Variants in DKK2 observed in about 807,000 individuals in gnomAD.
The protein encoded by DKK2 is dickkopf-related protein 2.
Under a neutral mutation model 28.1 loss-of-function variants are expected in DKK2, and 11 were observed. That is an observed-to-expected ratio of 0.39 (90% CI 0.25 to 0.65). The LOEUF (loss-of-function observed/expected upper bound fraction) is 0.65. Among genes scored for constraint, DKK2 ranks in the 30% least tolerant of loss-of-function variants. The probability of loss-of-function intolerance (pLI) is 0.47; values close to 1 mark genes in which losing one functional copy is unlikely to be tolerated. For synonymous variants in DKK2, 135 were observed against 126.5 expected, an observed-to-expected ratio of 1.07 and a Z score of -0.45; for missense variants, 326 against 335.5, an observed-to-expected ratio of 0.97 and a Z score of 0.22.
rs775667951 is a variant in DKK2 at position 106,925,922 on chromosome 4, A to G, written c.250T>C (p.Cys84Arg). The G allele has an allele frequency of 1.2e-6, 2 of 1,611,654 alleles. No individual in the cohort carries two copies. Among genetic ancestry groups the G allele is most frequent in the Non-Finnish European group, 1.7e-6 (2 of 1,179,176 alleles). The part of the protein sequence containing the change: ...QAYPCSSDKE[C>R]EVGRYCHSPH... ...CTGTGGCAATACCTCCCAACTTCAC[A>G]CTCCTTATCACTGCTACAAGGGTAG... Residue 84 changes from cysteine to arginine, a missense_variant, in exon 2 of 4, where the codon TGT (cysteine) becomes CGT (arginine). Physicochemically the swap from Cys to Arg is radical, Grantham distance 180 (BLOSUM62 -3). Transcript: ENST00000285311.
At chr4:106,998,523 C>T (rs1207529330) in intron 1 of DKK2, among the ~76,000 whole-genome samples, 2 of 152,238 alleles carry the variant, frequency 1.3e-5, no homozygotes, top group South Asian at 4.1e-4. Context: ...AATTCAATAG[C>T]TCTAGTCAAT....
intron 1 of DKK2, among the ~76,000 whole-genome samples, chr4:106,966,044 C>T (rs1047006413): frequency 4.0e-5 from 6 of 151,652 alleles, no homozygotes; most frequent in South Asian, 4.2e-4. Flanking sequence ...TGAATAGTGC[C>T]GCAATAAACA....
chr4:106,988,487 A>G (rs756235231), intron 1 of DKK2, among the ~76,000 whole-genome samples: 47 of 152,204 alleles, frequency 3.1e-4, no homozygotes, highest in Non-Finnish European at 1.3e-4. Flanking sequence ...TTAAATAACG[A>G]CCAATTTTGC....
At chr4:106,998,454 G>A (rs1723306791) in intron 1 of DKK2, among the ~76,000 whole-genome samples, 1 of 152,104 alleles carries the variant, frequency 6.6e-6, no homozygotes, top group African/African-American at 2.4e-5. Context: ...AGCAGTCAAT[G>A]TTCCTTCCAG....
chr4:107,005,863 C>T (rs997787968), intron 1 of DKK2, among the ~76,000 whole-genome samples: 1 of 152,158 alleles, frequency 6.6e-6, no homozygotes, highest in Non-Finnish European at 1.5e-5. Context: ...AGAAGTTGTT[C>T]AGCCTCATCT....
At chr4:106,997,331 T>C (rs1723286834) in intron 1 of DKK2, among the ~76,000 whole-genome samples, 1 of 152,194 alleles carries the variant, frequency 6.6e-6, no homozygotes, top group Non-Finnish European at 1.5e-5. Context: ...TATTACTCCA[T>C]GTCAATATGT....
intron 1 of DKK2, among the ~76,000 whole-genome samples, chr4:106,942,541 G>A (rs1165815539): frequency 2.0e-5 from 3 of 152,014 alleles, no homozygotes; most frequent in Non-Finnish European, 2.9e-5. Context: ...AGCCTTTGTA[G>A]CAGATATGGG....
At chr4:107,001,543 A>T (rs1723359298) in intron 1 of DKK2, among the ~76,000 whole-genome samples, 1 of 152,216 alleles carries the variant, frequency 6.6e-6, no homozygotes, top group South Asian at 2.1e-4. Context: ...GAATTTAAAA[A>T]AAACGAGTAC....
At chr4:107,020,786 T>C (rs1295075549) in intron 1 of DKK2, among the ~76,000 whole-genome samples, 1 of 152,084 alleles carries the variant, frequency 6.6e-6, no homozygotes, top group Non-Finnish European at 1.5e-5. Flanking sequence ...TGTGTCTCTG[T>C]GCGCACATTT....
intron 1 of DKK2, among the ~76,000 whole-genome samples, chr4:106,931,562 CTT>C (rs1388934347): frequency 2.0e-5 from 3 of 151,944 alleles, no homozygotes; most frequent in Admixed American, 2.0e-4. Context: ...AATAAAATAA[CTT>C]GACTATTAAT....
At chr4:106,985,479 T>C (rs1723103038) in intron 1 of DKK2, among the ~76,000 whole-genome samples, 1 of 151,884 alleles carries the variant, frequency 6.6e-6, no homozygotes, top group Non-Finnish European at 1.5e-5. Flanking sequence ...CGACTGCATG[T>C]GAATCTATAA....
Position 107,035,792 on chromosome 4 carries a change from G to T in DKK2, c.-201C>A. 1.7e-6 allele frequency: 1 copy of T among 597,208 alleles called. No individual in the cohort carries two copies. The highest frequency in any genetic ancestry group is 3.0e-6 in the Non-Finnish European group (1 of 336,578). 37.0% of individuals were successfully genotyped at this position (597,208 alleles called of 1,614,324 possible). ...GGACAGAAATTAGCGGAACCCAAGC[G>T]AGACCCGCTTCTCCACCAGGACAGG... On this transcript the variant is annotated 5_prime_UTR_variant, in exon 1 of 4. Coordinates refer to ENST00000285311, the MANE Select transcript of DKK2 (RefSeq NM_014421.3).
Position 106,923,899 on chromosome 4 carries a change from A to G in DKK2, c.*55T>C. On this transcript the variant is annotated 3_prime_UTR_variant, in exon 4 of 4. Transcript: ENST00000285311. Reference sequence around the variant, plus strand: ...GAACCTTATTTTCCACCATGCTATAATGCATTAAATACACAACTTCACAGT... The same window carrying G: ...GAACCTTATTTTCCACCATGCTATAGTGCATTAAATACACAACTTCACAGT... The G allele has an allele frequency of 6.3e-7, 1 of 1,597,108 alleles. No individual in the cohort carries two copies. Among genetic ancestry groups the G allele is most frequent in the Non-Finnish European group, 8.6e-7 (1 of 1,167,556 alleles).
chr4:106,988,309 G>A (rs185389007), intron 1 of DKK2, among the ~76,000 whole-genome samples: 1 of 152,252 alleles, frequency 6.6e-6, no homozygotes, highest in African/African-American at 2.4e-5. Flanking sequence ...AAGTAACATT[G>A]ACTCCTTGTT....
In DKK2 at chr4:107,024,741, G is replaced by C. The variant is rs145934737; in HGVS notation, c.222+10629C>G. ...TTACTATTATGACAACCATTTTACCGATGAAAAAACTAAGGCTTAACGGTG... is the reference window on the plus strand; with the variant it reads ...TTACTATTATGACAACCATTTTACCCATGAAAAAACTAAGGCTTAACGGTG... On this transcript the variant is annotated intron_variant, in intron 1 of 3. Transcript: ENST00000285311. Among the ~76,000 whole-genome samples the C allele has an allele frequency of 3.9e-4, 60 of 152,212 alleles. 1 individual carries two copies. The highest frequency in any genetic ancestry group is 1.3e-3 in the African/African-American group (56 of 41,538).
intron 1 of DKK2, among the ~76,000 whole-genome samples, chr4:106,984,674 C>A (rs1197211972): frequency 6.6e-6 from 1 of 152,120 alleles, no homozygotes; most frequent in Non-Finnish European, 1.5e-5. Flanking sequence ...TTGTTTCCAC[C>A]TTGTGGCTAA....
At chr4:106,945,400 A>G (rs1724761025) in intron 1 of DKK2, among the ~76,000 whole-genome samples, 1 of 152,136 alleles carries the variant, frequency 6.6e-6, no homozygotes, top group South Asian at 2.1e-4. Flanking sequence ...GTGTAACAAA[A>G]TGAACCAGTT....
chr4:106,922,113 G>C lies in DKK2; in HGVS notation c.*1841C>G, dbSNP rs1578342592. 6.6e-6 allele frequency: 1 copy of C among 152,500 alleles called. No individual in the cohort carries two copies. The highest frequency in any genetic ancestry group is 2.4e-5 in the African/African-American group (1 of 41,414). The allele number at this position is 152,500 out of a possible 1,614,324, so 9.4% of individuals were successfully genotyped here. A position where few individuals can be genotyped will look rare whatever the true frequency, so the allele number is the denominator to read the frequency against. On this transcript the variant is annotated 3_prime_UTR_variant, in exon 4 of 4. Coordinates refer to ENST00000285311, the MANE Select transcript of DKK2 (RefSeq NM_014421.3). ...ATAGCAACCTGTTTATACAAACTTT[G>C]GTTCTTGGATGGACTAGTTTATAAT... is the stretch of plus-strand genomic sequence containing the variant.
intron 1 of DKK2, among the ~76,000 whole-genome samples, chr4:106,985,815 CA>C (rs112120001): frequency 0.28 from 21,854 of 79,118 alleles, 1,343 homozygotes; most frequent in East Asian, 0.48. Context: ...GACTCCGTCT[CA>C]AAAAAAAAAA....
Sources: gnomAD v4.1 joint callset for allele counts (sites outside exome capture counted in the v4.1 genomes callset) on GRCh38, gnomAD v4.1.1 for gene constraint, MANE v1.5 for transcripts, NCBI Gene and HGNC (gene_info 2026-07-23, HGNC 2026-07-21) for gene names.